The following VAMP4 variants were observed in gnomAD, a reference collection of about 807,000 sequenced individuals.
The protein encoded by VAMP4 is vesicle associated membrane protein 4.
Under a neutral mutation model 23.5 loss-of-function variants are expected in VAMP4, and 19 were observed. The ratio of observed to expected loss-of-function variants is 0.81; its 90% confidence interval spans 0.56 to 1.19. The LOEUF (loss-of-function observed/expected upper bound fraction) is 1.19, where lower values mean the gene tolerates loss of function less well. Ranked by LOEUF, VAMP4 falls within the 50% of genes most tolerant of loss-of-function variation. The probability of loss-of-function intolerance (pLI) is 0.00; values close to 1 mark genes in which losing one functional copy is unlikely to be tolerated. For missense variants in VAMP4, 145 were observed against 168.6 expected (o/e 0.86, Z 0.78); for synonymous variants, 31 against 51.0 (o/e 0.61, Z 1.67).
At chr1:171,711,758 A>G (rs1298464223) in intron 4 of VAMP4, among the ~76,000 whole-genome samples, 1 of 152,312 alleles carries the variant, frequency 6.6e-6, no homozygotes, top group Non-Finnish European at 1.5e-5. Context: ...AAGCAAATCC[A>G]TGGTCCTCAT....
At chr1:171,737,266 A>G (rs144475202) in intron 2 of VAMP4, among the ~76,000 whole-genome samples, 155 of 152,340 alleles carry the variant, frequency 1.0e-3, no homozygotes, top group Middle Eastern at 3.4e-3. Flanking sequence ...ATGAATCAAG[A>G]CAAGAAGGAA....
At chr1:171,720,661 T>A (rs1655162396) in intron 3 of VAMP4, among the ~76,000 whole-genome samples, 1 of 152,060 alleles carries the variant, frequency 6.6e-6, no homozygotes, top group African/African-American at 2.4e-5. Flanking sequence ...TCTAAAATTA[T>A]TTTTAAAAAA....
chr1:171,704,656 C>A, intron 7 of VAMP4, 122 bp from the exon 8 acceptor site: 1 of 647,730 alleles, frequency 1.5e-6, no homozygotes. Flanking sequence ...ATTGACTGAA[C>A]TTTTATCTGA....
intron 4 of VAMP4, among the ~76,000 whole-genome samples, chr1:171,712,499 G>C (rs1240400896): frequency 6.6e-6 from 1 of 152,100 alleles, no homozygotes; most frequent in African/African-American, 2.4e-5. Context: ...TCCCTCCCAT[G>C]TTAAAAGCAT....
At chr1:171,715,748 C>T (rs1260523487) in intron 4 of VAMP4, among the ~76,000 whole-genome samples, 1 of 152,176 alleles carries the variant, frequency 6.6e-6, no homozygotes, top group Admixed American at 6.6e-5. Context: ...GTGGCTCACA[C>T]CTGCAATCCT....
Position 171,702,813 on chromosome 1 carries a change from A to AGTAT in VAMP4, c.*1689_*1692dup, listed in dbSNP as rs1206057081. The stretch of plus-strand genomic sequence containing the variant: ...AGAGACCAAAGACAATATACACTAT[A>AGTAT]GTATGTAAGACCTTTATCTCCTTCT... On this transcript the variant is annotated 3_prime_UTR_variant, in exon 8 of 8. Transcript: ENST00000236192. 2.0e-5 allele frequency: 3 copies of AGTAT among 152,048 alleles called. No homozygotes were observed. The highest frequency in any genetic ancestry group is 2.9e-5 in the Non-Finnish European group (2 of 67,878). The allele number at this position is 152,048 out of a possible 1,614,324, so 9.4% of individuals were successfully genotyped here.
intron 3 of VAMP4, among the ~76,000 whole-genome samples, chr1:171,723,427 C>T (rs760893091): frequency 6.6e-6 from 1 of 152,192 alleles, no homozygotes; most frequent in Non-Finnish European, 1.5e-5. Flanking sequence ...ATTCCCAGAG[C>T]AGCCATTTTA....
chr1:171,723,233 C>A (rs570058226), intron 3 of VAMP4, among the ~76,000 whole-genome samples: 2 of 152,198 alleles, frequency 1.3e-5, no homozygotes, highest in Admixed American at 1.3e-4. Context: ...ACGACTGGGG[C>A]AAAATTAAAA....
At chr1:171,730,233 T>G (rs1389040859) in intron 2 of VAMP4, among the ~76,000 whole-genome samples, 1 of 152,166 alleles carries the variant, frequency 6.6e-6, no homozygotes, top group Non-Finnish European at 1.5e-5. Flanking sequence ...AATGGGAAAC[T>G]AATACACTAC....
chr1:171,722,674 A>T (rs1458431479), intron 3 of VAMP4, among the ~76,000 whole-genome samples: 1 of 152,252 alleles, frequency 6.6e-6, no homozygotes, highest in African/African-American at 2.4e-5. Flanking sequence ...ATCACTGACC[A>T]TCAGAGAAAT....
In VAMP4 at chr1:171,701,402, CAG is replaced by C. The variant is rs765247965; in HGVS notation, c.*3102_*3103del. 1.3e-5 allele frequency: 2 copies of C among 152,118 alleles called. No homozygotes were observed. Among genetic ancestry groups the C allele is most frequent in the African/African-American group, 2.4e-5 (1 of 41,434 alleles). The allele number at this position is 152,118 out of a possible 1,614,324, so 9.4% of individuals were successfully genotyped here. On this transcript the variant is annotated 3_prime_UTR_variant, in exon 8 of 8. Transcript: ENST00000236192. ...CATAGTGTATATACAGATGTAAATA[CAG>C]AGTCAATGTGTGCAATGATGCTGAC...
At chr1:171,713,763 G>A (rs1351157916) in intron 4 of VAMP4, among the ~76,000 whole-genome samples, 2 of 152,128 alleles carry the variant, frequency 1.3e-5, no homozygotes, top group African/African-American at 2.4e-5. Flanking sequence ...GAGCCCAGGA[G>A]GTTAAGGTGC....
chr1:171,720,964 G>T (rs1558110092), intron 3 of VAMP4, among the ~76,000 whole-genome samples: 1 of 152,002 alleles, frequency 6.6e-6, no homozygotes, highest in Non-Finnish European at 1.5e-5. Context: ...AATAATACAT[G>T]ATGACCAAGT....
chr1:171,735,649 A>G (rs191710945), intron 2 of VAMP4, among the ~76,000 whole-genome samples: 38 of 152,354 alleles, frequency 2.5e-4, no homozygotes, highest in African/African-American at 8.7e-4. Context: ...AATAGGAAAG[A>G]GGCTCAGATT....
At position 171,738,344 on chromosome 1, in the gene VAMP4, C is replaced by G; in HGVS notation, c.66+5G>C. 3 of 1,613,778 alleles carry G rather than the reference C, an allele frequency of 1.9e-6. No individual in the cohort carries two copies. Among genetic ancestry groups the G allele is most frequent in the Non-Finnish European group, 2.5e-6 (3 of 1,179,838 alleles). The stretch of plus-strand genomic sequence containing the variant: ...TGTTTTTAAAGCTTAAGATTCCGAA[C>G]TTACCCTTTCACTTTTCACAGAACC... On this transcript the variant is annotated splice_donor_5th_base_variant and intron_variant, in intron 2 of 7. Coordinates refer to ENST00000236192, the MANE Select transcript of VAMP4 (RefSeq NM_003762.5).
intron 2 of VAMP4, among the ~76,000 whole-genome samples, chr1:171,731,972 G>A (rs1421160851): frequency 6.6e-6 from 1 of 152,092 alleles, no homozygotes. Context: ...TAATAATATA[G>A]CTTAAAGTAT....
intron 4 of VAMP4, 66 bp downstream of exon 4, chr1:171,719,105 G>A: frequency 6.9e-7 from 1 of 1,441,614 alleles, no homozygotes; most frequent in Non-Finnish European, 9.6e-7. Flanking sequence ...CTCACAGGCT[G>A]CAGTTTGCCA....
In VAMP4 at chr1:171,712,227, G is replaced by T. The variant is rs185119064; in HGVS notation, c.165-1413C>A. 2.7e-3 allele frequency among the ~76,000 whole-genome samples: 408 copies of T among 152,216 alleles called. 2 individuals are homozygous for T. Among genetic ancestry groups the T allele is most frequent in the African/African-American group, 9.4e-3 (392 of 41,534 alleles). ...GTTTCTACTTGGAAAAGGAAGAAGT[G>T]TGTAGGGGGCTTTAAAAATTTTTTA... On this transcript the variant is annotated intron_variant, in intron 4 of 7. Transcript: ENST00000236192.
rs969399091 is a variant in VAMP4 at position 171,704,396 on chromosome 1, T to A, written c.*110A>T. The stretch of plus-strand genomic sequence containing the variant: ...TTGAAGTGATACTTGCCTCTTAGTT[T>A]CTTGAAAAAGAAGTTTTGAAAGTTA... On this transcript the variant is annotated 3_prime_UTR_variant, in exon 8 of 8. Transcript: ENST00000236192. 9.3e-5 allele frequency: 79 copies of A among 846,496 alleles called. No individual in the cohort carries two copies. Among genetic ancestry groups the A allele is most frequent in the Non-Finnish European group, 1.8e-5 (11 of 602,382 alleles). 52.4% of individuals were successfully genotyped at this position (846,496 alleles called of 1,614,324 possible). A position where few individuals can be genotyped will look rare whatever the true frequency, so the allele number is the denominator to read the frequency against.
Sources: gnomAD v4.1 joint callset for allele counts (sites outside exome capture counted in the v4.1 genomes callset) on GRCh38, gnomAD v4.1.1 for gene constraint, MANE v1.5 for transcripts, NCBI Gene and HGNC (gene_info 2026-07-23, HGNC 2026-07-21) for gene names.